Variants in GON4L observed in about 807,000 individuals in gnomAD.
GON4L encodes GON-4-like protein.
In GON4L, 87 loss-of-function variants were observed where a neutral mutation model predicts 211.8. The observed-to-expected ratio is 0.41, with a 90% CI of 0.35 to 0.49. The LOEUF (loss-of-function observed/expected upper bound fraction) is 0.49. Among genes scored for constraint, GON4L ranks in the 20% least tolerant of loss-of-function variants. The pLI, the probability that GON4L is intolerant of heterozygous loss-of-function variation, is 0.15. For missense variants in GON4L, 2,155 were observed against 2,659.5 expected, an observed-to-expected ratio of 0.81 and a Z score of 4.17; for synonymous variants, 875 against 962.6, an observed-to-expected ratio of 0.91 and a Z score of 1.68.
chr1:155,749,754 C>T lies in GON4L; in HGVS notation c.*830G>A, dbSNP rs1660404726. On this transcript the variant is annotated 3_prime_UTR_variant, in exon 32 of 32. Coordinates refer to ENST00000368331, the MANE Select transcript of GON4L (RefSeq NM_001282860.2). Reference sequence around the variant, plus strand: ...CATTCCTTTATTCACCCTATGGCTCCCAAGAAAAGCATTCTTCCTCTGGAG... The same window carrying T: ...CATTCCTTTATTCACCCTATGGCTCTCAAGAAAAGCATTCTTCCTCTGGAG... The T allele has an allele frequency of 1.6e-6, 1 of 611,126 alleles. No homozygotes were observed. Among genetic ancestry groups the T allele is most frequent in the South Asian group, 2.0e-5 (1 of 50,192 alleles). The allele number at this position is 611,126 out of a possible 1,614,324, so 37.9% of individuals were successfully genotyped here.
intron 2 of GON4L, among the ~76,000 whole-genome samples, chr1:155,848,564 T>C (rs957202618): frequency 3.9e-4 from 60 of 152,314 alleles, no homozygotes; most frequent in Non-Finnish European, 2.5e-4. Context: ...CAGAATATGT[T>C]ATTCTACTTC....
rs1386403355 is a variant in GON4L, at chr1:155,752,456, T to G, written c.5977A>C (p.Thr1993Pro). ...FPPTTGAVLYTVKRNQVGPEV... is the reference protein window; with the variant it reads ...FPPTTGAVLYPVKRNQVGPEV... ...GGCCCAACCTGGTTTCTCTTAACAG[T>G]GTACAGTACAGCTCCAGTTGTGGGG... Residue 1993 changes from threonine to proline, a missense_variant, in exon 30 of 32, where the codon ACT (threonine) becomes CCT (proline). By Grantham distance (38) the Thr-to-Pro change is conservative. This residue lies in a region of GON4L where 186 missense variants were observed against 308.1 expected (regional missense o/e 0.60). Transcript: ENST00000368331. 3 of 1,570,142 alleles carry G rather than the reference T, an allele frequency of 1.9e-6. No homozygotes were observed. Among genetic ancestry groups the G allele is most frequent in the Admixed American group, 1.9e-5 (1 of 52,178 alleles).
intron 19 of GON4L, among the ~76,000 whole-genome samples, chr1:155,768,264 A>C (rs1662763625): frequency 6.9e-6 from 1 of 144,422 alleles, no homozygotes; most frequent in African/African-American, 2.6e-5. Context: ...GATCAGAGAC[A>C]GTGCCACTGC....
At chr1:155,781,918 A>G (rs1414556819) in intron 14 of GON4L, among the ~76,000 whole-genome samples, 4 of 151,312 alleles carry the variant, frequency 2.6e-5, no homozygotes, top group African/African-American at 7.3e-5. Context: ...CACCACACCC[A>G]GCTAATTTTT....
chr1:155,762,441 A>G (rs898848538), intron 22 of GON4L, 67 bp from the exon 23 acceptor site: 62 of 1,302,214 alleles, frequency 4.8e-5, no homozygotes, highest in Non-Finnish European at 6.2e-5. Flanking sequence ...ATTCCACCAC[A>G]TGCACCACCC....
At chr1:155,809,332 G>T (rs1412027820) in intron 10 of GON4L, among the ~76,000 whole-genome samples, 1 of 151,870 alleles carries the variant, frequency 6.6e-6, no homozygotes, top group Non-Finnish European at 1.5e-5. Context: ...CTCCTCAACA[G>T]ACTAAGTTCC....
chr1:155,816,486 CTGGTAAGCCT>C (rs1668247312), intron 6 of GON4L, among the ~76,000 whole-genome samples: 1 of 152,132 alleles, frequency 6.6e-6, no homozygotes, highest in Non-Finnish European at 1.5e-5. Context: ...TGCCTTACAC[CTGGTAAGCCT>C]CACTTCTTTC....
intron 2 of GON4L, among the ~76,000 whole-genome samples, chr1:155,851,973 T>C (rs1671836681): frequency 6.6e-6 from 1 of 151,922 alleles, no homozygotes; most frequent in African/African-American, 2.4e-5. Flanking sequence ...GAGACCAGCC[T>C]GGCCAACATG....
At chr1:155,745,874 T>G, downstream of GON4L, 1 of 971,190 alleles carries the variant, frequency 1.0e-6, no homozygotes, top group African/African-American at 1.7e-5. Flanking sequence ...GTTGGGACAT[T>G]TTGCCGGTTT....
chr1:155,788,789 C>A (rs1408933085), intron 12 of GON4L, among the ~76,000 whole-genome samples: 3 of 152,070 alleles, frequency 2.0e-5, no homozygotes, highest in Admixed American at 6.6e-5. Context: ...GCAAACATAA[C>A]CTGTGATTAA....
intron 13 of GON4L, 74 bp from the exon 14 acceptor site, chr1:155,784,163 A>G (rs1238419039): frequency 1.3e-6 from 2 of 1,572,640 alleles, no homozygotes; most frequent in Admixed American, 1.7e-5. Context: ...GGGAAGGAAG[A>G]GTGAAAACTA....
chr1:155,796,083 A>G (rs1016107925), intron 11 of GON4L, among the ~76,000 whole-genome samples: 1 of 152,196 alleles, frequency 6.6e-6, no homozygotes, highest in Non-Finnish European at 1.5e-5. Context: ...CACATATAAA[A>G]TGTGAATATG....
intron 10 of GON4L, among the ~76,000 whole-genome samples, chr1:155,812,582 GTC>G (rs1041556458): frequency 4.7e-5 from 7 of 148,974 alleles, no homozygotes; most frequent in African/African-American, 1.2e-4. Flanking sequence ...TTGGGACAGA[GTC>G]TCTCTCCATT....
At chr1:155,806,435 T>C (rs1462906685) in intron 10 of GON4L, among the ~76,000 whole-genome samples, 1 of 151,976 alleles carries the variant, frequency 6.6e-6, no homozygotes, top group Non-Finnish European at 1.5e-5. Context: ...AGCCACTGGA[T>C]CCATACTCAG....
chr1:155,848,775 T>C (rs780531288), intron 2 of GON4L, among the ~76,000 whole-genome samples: 6 of 152,154 alleles, frequency 3.9e-5, no homozygotes, highest in Non-Finnish European at 7.4e-5. Flanking sequence ...TTTGTCATTT[T>C]CAGACAAAAA....
chr1:155,849,114 C>T (rs1271240551), intron 2 of GON4L, among the ~76,000 whole-genome samples: 1 of 134,348 alleles, frequency 7.4e-6, no homozygotes, highest in Non-Finnish European at 1.5e-5. Context: ...TGCCACTGCC[C>T]TCCAGCCTAA....
intron 2 of GON4L, among the ~76,000 whole-genome samples, chr1:155,835,820 A>C (rs1329169979): frequency 1.3e-5 from 2 of 152,190 alleles, no homozygotes; most frequent in African/African-American, 4.8e-5. Context: ...GATTCCTTCC[A>C]GTGCGAAGCC....
Position 155,822,376 on chromosome 1 carries a change from G to A in GON4L, c.798C>T (p.Asp266=), listed in dbSNP as rs1382055346. 2 of 1,613,814 alleles carry A rather than the reference G, an allele frequency of 1.2e-6. No homozygotes were observed. The highest frequency in any genetic ancestry group is 3.3e-5 in the Admixed American group (2 of 60,006). The change falls in exon 4 of 32, where the codon GAC becomes GAT. Residue 266 remains aspartate (D), a synonymous_variant. Transcript: ENST00000368331. ...GGTCAAGCATGTCATCCAGTTTCAG[G>A]TCATATGCCAAGGTCCCTTCTTGAC... ...GRGQEGTLAY[D]LKLDDMLDRT...
chr1:155,849,171 A>AGG (rs1671534465), intron 2 of GON4L, among the ~76,000 whole-genome samples: 2 of 116,786 alleles, frequency 1.7e-5, no homozygotes, highest in Non-Finnish European at 3.6e-5. Context: ...AAAAAAAAAA[A>AGG]GGGGCTGGGC....
Sources: gnomAD v4.1 joint callset for allele counts (sites outside exome capture counted in the v4.1 genomes callset) on GRCh38, gnomAD v4.1.1 for gene constraint, gnomAD v4.1.1 regional missense constraint, MANE v1.5 for transcripts, NCBI Gene and HGNC (gene_info 2026-07-23, HGNC 2026-07-21) for gene names.